Variants in ZNF445 observed in about 807,000 individuals in gnomAD.
ZNF445 encodes zinc finger protein 168.
ZNF445 carries 19 observed loss-of-function variants against 93.9 expected under a neutral mutation model. The ratio of observed to expected loss-of-function variants is 0.20; its 90% CI spans 0.14 to 0.30. The LOEUF (loss-of-function observed/expected upper bound fraction) is 0.30, where lower values mean the gene tolerates loss of function less well. Among genes scored for constraint, ZNF445 ranks in the 10% least tolerant of loss-of-function variants. ZNF445 has a pLI of 1.00. For missense variants in ZNF445, 1,058 were observed against 1,259.4 expected, an observed-to-expected ratio of 0.84 and a Z score of 2.42; for synonymous variants, 449 against 446.3, an observed-to-expected ratio of 1.01 and a Z score of -0.08.
chr3:44,471,370 GAGA>G (rs112530213), intron 1 of ZNF445, among the ~76,000 whole-genome samples: 59 of 152,224 alleles, frequency 3.9e-4, no homozygotes, highest in African/African-American at 1.4e-3. Flanking sequence ...AGACTCATGA[GAGA>G]AGAACTGGAG....
Position 44,432,848 on chromosome 3 carries a change from C to A in ZNF445, c.*13727G>T, listed in dbSNP as rs1452645112. 1 of 152,196 alleles carries A rather than the reference C, an allele frequency of 6.6e-6. No homozygotes were observed. The highest frequency in any genetic ancestry group is 1.5e-5 in the Non-Finnish European group (1 of 68,038). The allele number at this position is 152,196 out of a possible 1,614,324, so 9.4% of individuals were successfully genotyped here. On this transcript the variant is annotated 3_prime_UTR_variant, in exon 8 of 8. Transcript: ENST00000396077. ...CTGGCGAAGCAGCATCGTGCCTGTTCTTTGTTGCCTGTGTTTTTCATTTTA... is the reference window on the plus strand; with the variant it reads ...CTGGCGAAGCAGCATCGTGCCTGTTATTTGTTGCCTGTGTTTTTCATTTTA...
intron 4 of ZNF445, 45 bp from the exon 5 acceptor site, chr3:44,451,007 C>A: frequency 6.9e-7 from 1 of 1,454,584 alleles, no homozygotes; most frequent in Admixed American, 2.5e-5. Flanking sequence ...CTCTGGACAG[C>A]CCAGTGAGAA....
chr3:44,451,839 G>C (rs148874751), intron 3 of ZNF445, among the ~76,000 whole-genome samples: 2,438 of 152,222 alleles, frequency 0.016, 34 homozygotes, highest in Non-Finnish European at 0.027. Context: ...ACTTAGAAAT[G>C]AGAGAGAAGG....
chr3:44,451,129 G>A (rs1228898811), intron 4 of ZNF445, among the ~76,000 whole-genome samples, 167 bp from the exon 5 acceptor site: 1 of 152,158 alleles, frequency 6.6e-6, no homozygotes. Flanking sequence ...AGGGGTAGTG[G>A]GATGGGGGGT....
At position 44,455,464 on chromosome 3, in the gene ZNF445, T is replaced by C. The variant is rs772869493; in HGVS notation, c.86A>G (p.Glu29Gly). The change falls in exon 3 of 8, where the codon GAA (glutamate) becomes GGA (glycine). Residue 29 changes from glutamate (E) to glycine (G), a missense_variant. Transcript: ENST00000396077. ...ERGRLQTVKKEEEDESYTPVQ... is the reference protein window; with the variant it reads ...ERGRLQTVKKGEEDESYTPVQ... ...TGGAGTATAGCTTTCATCCTCTTCT[T>C]CCTTCTTTACTGTCTGAAGCCGCCC... 7.4e-6 allele frequency: 12 copies of C among 1,614,210 alleles called. No homozygotes were observed. Among genetic ancestry groups the C allele is most frequent in the Non-Finnish European group, 9.3e-6 (11 of 1,180,046 alleles).
chr3:44,445,905 A>C lies in ZNF445; in HGVS notation c.*670T>G, dbSNP rs1197295775. Reference sequence around the variant, plus strand: ...TGGGAGTGCTCAGCACATTTCTGTTAAACAGATGGACCGCTGCTGCCTATG... The same window carrying C: ...TGGGAGTGCTCAGCACATTTCTGTTCAACAGATGGACCGCTGCTGCCTATG... On this transcript the variant is annotated 3_prime_UTR_variant, in exon 8 of 8. Coordinates refer to ENST00000396077, the MANE Select transcript of ZNF445 (RefSeq NM_181489.6). 2 of 152,742 alleles carry C rather than the reference A, an allele frequency of 1.3e-5. No individual in the cohort carries two copies. Among genetic ancestry groups the C allele is most frequent in the Admixed American group, 1.3e-4 (2 of 15,294 alleles). The allele number at this position is 152,742 out of a possible 1,614,324, so 9.5% of individuals were successfully genotyped here. A position where few individuals can be genotyped will look rare whatever the true frequency, so the allele number is the denominator to read the frequency against.
At chr3:44,468,685 C>T (rs1158615369) in intron 1 of ZNF445, among the ~76,000 whole-genome samples, 3 of 150,102 alleles carry the variant, frequency 2.0e-5, no homozygotes, top group Non-Finnish European at 3.0e-5. Context: ...ACCCCCTCCC[C>T]CCGAGGAGCT....
At chr3:44,467,094 AC>A (rs1698206281) in intron 1 of ZNF445, among the ~76,000 whole-genome samples, 1 of 152,228 alleles carries the variant, frequency 6.6e-6, no homozygotes, top group African/African-American at 2.4e-5. Flanking sequence ...AGAGAATAAA[AC>A]AAGCTTCTAG....
chr3:44,450,363 T>A, intron 6 of ZNF445, 84 bp downstream of exon 6: 2 of 1,576,134 alleles, frequency 1.3e-6, no homozygotes, highest in South Asian at 2.2e-5. Context: ...TAAAACCAGG[T>A]CAGGTACCTT....
rs1020422563 is a variant in ZNF445, at chr3:44,444,094, G to C, written c.*2481C>G. 1.3e-5 allele frequency: 2 copies of C among 152,214 alleles called. No individual in the cohort carries two copies. The highest frequency in any genetic ancestry group is 1.3e-4 in the Admixed American group (2 of 15,286). The allele number at this position is 152,214 out of a possible 1,614,324, so 9.4% of individuals were successfully genotyped here. A position where few individuals can be genotyped will look rare whatever the true frequency, so the allele number is the denominator to read the frequency against. Reference sequence around the variant, plus strand: ...TGGGAGGTCAAGGCTGCAGTAAGCTGTGATCCTGCCACTGCACTCCACCCT... The same window carrying C: ...TGGGAGGTCAAGGCTGCAGTAAGCTCTGATCCTGCCACTGCACTCCACCCT... On this transcript the variant is annotated 3_prime_UTR_variant, in exon 8 of 8. Coordinates refer to ENST00000396077, the MANE Select transcript of ZNF445 (RefSeq NM_181489.6).
chr3:44,449,710 G>A, intron 6 of ZNF445, 87 bp from the exon 7 acceptor site: 1 of 1,110,612 alleles, frequency 9.0e-7, no homozygotes. Context: ...GTCCTGGTGG[G>A]AAGGTGGGAA....
chr3:44,463,011 TTGTGTGTGTGTGTGTGTGTG>T (rs61329186), intron 1 of ZNF445, among the ~76,000 whole-genome samples: 5 of 144,456 alleles, frequency 3.5e-5, no homozygotes, highest in African/African-American at 5.2e-5. Context: ...ATTTTTTTCT[TTGTGTGTGTGTGTGTGTGTG>T]TGTGTGTGTG....
Position 44,451,067 on chromosome 3 carries a change from TA to T in ZNF445, c.599-106del. On this transcript the variant is annotated intron_variant, in intron 4 of 7. Transcript: ENST00000396077. ...ACTCCTGGACCCATGAGCAGGTACA[TA>T]ATGTTGTTAAATACCCATCTCACAT... 10 of 1,070,836 alleles carry T rather than the reference TA, an allele frequency of 9.3e-6. No homozygotes were observed. The South Asian group carries it at 1.6e-4, about 18-fold the overall frequency. The allele number at this position is 1,070,836 out of a possible 1,614,324, so 66.3% of individuals were successfully genotyped here.
In ZNF445 at chr3:44,450,510, A is replaced by G. The variant is rs1353679278; in HGVS notation, c.757T>C (p.Ser253Pro). ...TCCCTGTACAGGTTCCTCTGAGCAG[A>G]GTCCAGCCACCCCCACTCGTCCTGG... Reference protein sequence around the residue: ...FSQDEWGWLDSAQRNLYRDVM... With the variant: ...FSQDEWGWLDPAQRNLYRDVM... The change falls in exon 6 of 8, where the codon TCT becomes CCT. Residue 253 changes from serine to proline, a missense_variant. Ser to Pro is a moderately conservative substitution (Grantham distance 74, BLOSUM62 -1). Coordinates refer to ENST00000396077, the MANE Select transcript of ZNF445 (RefSeq NM_181489.6). 6.2e-7 allele frequency: 1 copy of G among 1,614,218 alleles called. No individual in the cohort carries two copies. The highest frequency in any genetic ancestry group is 8.5e-7 in the Non-Finnish European group (1 of 1,180,048).
At chr3:44,453,266 T>C (rs1261776619) in intron 3 of ZNF445, among the ~76,000 whole-genome samples, 1 of 151,926 alleles carries the variant, frequency 6.6e-6, no homozygotes, top group Non-Finnish European at 1.5e-5. Context: ...TATGTATATG[T>C]ATGAAAGTGT....
chr3:44,473,197 C>A (rs1034512237), intron 1 of ZNF445, among the ~76,000 whole-genome samples: 1 of 152,154 alleles, frequency 6.6e-6, no homozygotes, highest in Non-Finnish European at 1.5e-5. Flanking sequence ...GTGGCTCACA[C>A]CTGTAATCCC....
chr3:44,470,348 C>T (rs557446332), intron 1 of ZNF445, among the ~76,000 whole-genome samples: 5 of 152,258 alleles, frequency 3.3e-5, no homozygotes, highest in South Asian at 2.1e-4. Context: ...GAAAACAAAA[C>T]GTACAACCGT....
At position 44,442,756 on chromosome 3, in the gene ZNF445, T is replaced by C. The variant is rs551948092; in HGVS notation, c.*3819A>G. On this transcript the variant is annotated 3_prime_UTR_variant, in exon 8 of 8. Transcript: ENST00000396077. ...CCTGGTGCTCAGGGCAATCAGAAAC[T>C]GTCAACTGAAGCCAAACAGCTCAGA... The C allele has an allele frequency of 6.6e-6, 1 of 152,262 alleles. No homozygotes were observed. The highest frequency in any genetic ancestry group is 1.5e-5 in the Non-Finnish European group (1 of 68,044). The allele number at this position is 152,262 out of a possible 1,614,324, so 9.4% of individuals were successfully genotyped here.
Position 44,446,344 on chromosome 3 carries a change from C to T in ZNF445, c.*231G>A. 1.8e-6 allele frequency: 1 copy of T among 570,954 alleles called. No individual in the cohort carries two copies. Among genetic ancestry groups the T allele is most frequent in the East Asian group, 3.2e-5 (1 of 31,292 alleles). 35.4% of individuals were successfully genotyped at this position (570,954 alleles called of 1,614,324 possible). On this transcript the variant is annotated 3_prime_UTR_variant, in exon 8 of 8. Coordinates refer to ENST00000396077, the MANE Select transcript of ZNF445 (RefSeq NM_181489.6). The surrounding 1 kb of genome is among the most constrained non-coding windows in gnomAD (Gnocchi z 4.2). ...ATGGTGCAGAGGCCACTCCTAGGGG[C>T]CGGAGTCTCCAGAAGGGCTCCAAAG...
Sources: gnomAD v4.1 joint callset for allele counts (sites outside exome capture counted in the v4.1 genomes callset) on GRCh38, gnomAD v4.1.1 for gene constraint, Gnocchi (gnomAD v3.1) non-coding constraint, MANE v1.5 for transcripts, NCBI Gene and HGNC (gene_info 2026-07-23, HGNC 2026-07-21) for gene names.